DOCK4: variants seen among roughly 807,000 people sequenced by gnomAD.
The protein encoded by DOCK4 is dedicator of cytokinesis protein 4.
A neutral mutation model predicts 268.1 loss-of-function variants in DOCK4; 97 were observed. The observed-to-expected ratio is 0.36, with a 90% confidence interval of 0.31 to 0.43. The LOEUF (loss-of-function observed/expected upper bound fraction) is 0.43, where lower values mean the gene tolerates loss of function less well. Among genes scored for constraint, DOCK4 ranks in the 20% least tolerant of loss-of-function variants. The probability of loss-of-function intolerance (pLI) is 1.00; values close to 1 mark genes in which losing one functional copy is unlikely to be tolerated. For missense variants in DOCK4, 2,145 were observed against 2,455.7 expected (o/e 0.87, Z 2.67); for synonymous variants, 954 against 887.2 (o/e 1.08, Z -1.34).
intron 49 of DOCK4, 73 bp downstream of exon 49, chr7:111,739,059 CGT>C (rs1795706199): frequency 6.2e-6 from 8 of 1,287,412 alleles, no homozygotes; most frequent in Non-Finnish European, 7.9e-6. Flanking sequence ...GCAGCTACCG[CGT>C]GTTTCTGCAG....
chr7:112,046,888 G>A (rs1018764462), intron 1 of DOCK4, among the ~76,000 whole-genome samples: 7 of 152,158 alleles, frequency 4.6e-5, no homozygotes, highest in African/African-American at 1.7e-4. Flanking sequence ...GGAGTCTGAG[G>A]GGACCAAGGC....
chr7:111,785,118 C>T (rs955500860), intron 32 of DOCK4, among the ~76,000 whole-genome samples: 1 of 152,068 alleles, frequency 6.6e-6, no homozygotes, highest in Non-Finnish European at 1.5e-5. Flanking sequence ...TCCTGTGTTT[C>T]CTGTGCATCC....
intron 1 of DOCK4, among the ~76,000 whole-genome samples, chr7:112,156,230 CAG>C (rs1298355453): frequency 2.0e-5 from 3 of 152,204 alleles, no homozygotes; most frequent in African/African-American, 7.2e-5. Context: ...GTCCAGCACA[CAG>C]ACACTGTAAA....
chr7:111,830,460 G>A lies in DOCK4; in HGVS notation c.2835+4128C>T, dbSNP rs563340123. Among the ~76,000 whole-genome samples the A allele has an allele frequency of 5.0e-4, 75 of 151,190 alleles. No homozygotes were observed. In the Middle Eastern group the frequency reaches 0.01, roughly 21 times the overall value. On this transcript the variant is annotated intron_variant, in intron 26 of 52. Transcript: ENST00000428084. ...CAAAACAAAACAAAAAAAACAAGAT[G>A]ACTAATTAGCCTTTACTAAATTAAA...
intron 1 of DOCK4, among the ~76,000 whole-genome samples, chr7:112,014,145 T>C (rs1801605222): frequency 6.6e-6 from 1 of 152,232 alleles, no homozygotes; most frequent in Non-Finnish European, 1.5e-5. Flanking sequence ...TGTTGAGTTA[T>C]TAAGTCATGA....
chr7:111,746,352 T>C lies in DOCK4; in HGVS notation c.4659A>G (p.Arg1553=), dbSNP rs1407155527. 2 of 1,612,852 alleles carry C rather than the reference T, an allele frequency of 1.2e-6. No individual in the cohort carries two copies. The highest frequency in any genetic ancestry group is 1.7e-6 in the Non-Finnish European group (2 of 1,179,502). The change falls in exon 44 of 53, where the codon AGA becomes AGG. Residue 1553 remains arginine (R), a synonymous_variant. Transcript: ENST00000428084. Reference sequence around the variant, plus strand: ...CCCTTACCTGCTCAAGCATCAGCTCTCTTAATCGTGCAATTTTCTCCCCAT... The same window carrying C: ...CCCTTACCTGCTCAAGCATCAGCTCCCTTAATCGTGCAATTTTCTCCCCAT... ...PEDGEKIARL[R]ELMLEQAQIL... is the part of the protein sequence containing the mutation.
At chr7:111,857,356 G>T (rs1302783416) in intron 23 of DOCK4, among the ~76,000 whole-genome samples, 2 of 152,032 alleles carry the variant, frequency 1.3e-5, no homozygotes, top group African/African-American at 4.8e-5. Flanking sequence ...GGACTGGGGA[G>T]TTTCTGCCAA....
In DOCK4 at chr7:111,943,268, C is replaced by G. The variant is rs1255342668; in HGVS notation, c.844+1543G>C. Among the ~76,000 whole-genome samples, 6 of 152,164 alleles carry G rather than the reference C, an allele frequency of 3.9e-5. 1 individual carries two copies. The South Asian group carries it at 1.0e-3, about 26-fold the overall frequency. The stretch of plus-strand genomic sequence containing the variant: ...GTGCAATTACAAATCAAACACCAAG[C>G]ATTTGAAAGGCTGCCCTGTGATGGG... On this transcript the variant is annotated intron_variant, in intron 10 of 52. Coordinates refer to ENST00000428084, the MANE Select transcript of DOCK4 (RefSeq NM_001363540.2).
At chr7:111,911,483 A>G (rs752377797) in intron 13 of DOCK4, among the ~76,000 whole-genome samples, 73 of 152,216 alleles carry the variant, frequency 4.8e-4, no homozygotes, top group Non-Finnish European at 9.3e-4. Flanking sequence ...AAAGGGAAAA[A>G]AAAAAGAGAA....
At chr7:111,741,754 T>A in intron 45 of DOCK4, 93 bp from the exon 46 acceptor site, 2 of 1,464,376 alleles carry the variant, frequency 1.4e-6, no homozygotes, top group Non-Finnish European at 1.8e-6. Flanking sequence ...CACATCCTAA[T>A]TGCCATCAAG....
At chr7:111,770,230 A>C (rs1798040123) in intron 36 of DOCK4, among the ~76,000 whole-genome samples, 1 of 149,260 alleles carries the variant, frequency 6.7e-6, no homozygotes, top group Non-Finnish European at 1.5e-5. Flanking sequence ...GACCAAAAAA[A>C]AAAAAAAAAA....
At chr7:111,937,847 C>T (rs1266145519) in intron 11 of DOCK4, among the ~76,000 whole-genome samples, 1 of 152,208 alleles carries the variant, frequency 6.6e-6, no homozygotes, top group Non-Finnish European at 1.5e-5. Flanking sequence ...AGTTATTTAA[C>T]TCTCGTTCCC....
At chr7:111,907,443 T>C (rs956152928) in intron 13 of DOCK4, among the ~76,000 whole-genome samples, 2 of 146,168 alleles carry the variant, frequency 1.4e-5, no homozygotes, top group African/African-American at 2.5e-5. Context: ...TGGCAGCCCG[T>C]TGGGGGAACT....
intron 8 of DOCK4, among the ~76,000 whole-genome samples, chr7:111,954,901 C>T (rs925795469): frequency 3.9e-5 from 6 of 152,152 alleles, no homozygotes; most frequent in African/African-American, 1.4e-4. Flanking sequence ...TCCTGGTGAG[C>T]TGTATAAAGC....
intron 1 of DOCK4, among the ~76,000 whole-genome samples, chr7:112,015,567 CT>C (rs1268345598): frequency 6.6e-6 from 1 of 152,108 alleles, no homozygotes; most frequent in Admixed American, 6.6e-5. Context: ...ATCAGGACCC[CT>C]TTCTGGTAAC....
chr7:112,099,390 A>G (rs1810465846), intron 1 of DOCK4, among the ~76,000 whole-genome samples: 1 of 152,120 alleles, frequency 6.6e-6, no homozygotes, highest in Admixed American at 6.5e-5. Context: ...CCCACCACAC[A>G]CATGCGTCTC....
intron 1 of DOCK4, among the ~76,000 whole-genome samples, chr7:112,181,290 C>T (rs189477246): frequency 7.1e-4 from 108 of 152,026 alleles, no homozygotes; most frequent in African/African-American, 2.5e-3. Flanking sequence ...TATGAACCCA[C>T]GTGTAATTAT....
chr7:112,166,242 C>T (rs1817600041), intron 1 of DOCK4, among the ~76,000 whole-genome samples: 1 of 152,064 alleles, frequency 6.6e-6, no homozygotes, highest in Non-Finnish European at 1.5e-5. Context: ...GAAAAAACTG[C>T]CAAGAGTGTT....
At chr7:111,814,007 A>C (rs1801348041) in intron 27 of DOCK4, among the ~76,000 whole-genome samples, 1 of 152,186 alleles carries the variant, frequency 6.6e-6, no homozygotes, top group African/African-American at 2.4e-5. Flanking sequence ...ACACAGTCCC[A>C]CTACACCTGG....
Sources: gnomAD v4.1 joint callset for allele counts (sites outside exome capture counted in the v4.1 genomes callset) on GRCh38, gnomAD v4.1.1 for gene constraint, MANE v1.5 for transcripts, NCBI Gene and HGNC (gene_info 2026-07-23, HGNC 2026-07-21) for gene names.